Variants in MYH7B observed in about 807,000 individuals in gnomAD.
MYH7B encodes myosin heavy chain 7B.
In MYH7B, 205 loss-of-function variants were observed where a neutral mutation model predicts 234.5. The ratio of observed to expected loss-of-function variants is 0.87; its 90% CI spans 0.78 to 0.98. The LOEUF (loss-of-function observed/expected upper bound fraction) is 0.98. Among genes scored for constraint, MYH7B ranks in the 50% least tolerant of loss-of-function variants. MYH7B has a pLI of 0.00. For synonymous variants in MYH7B, 1,193 were observed against 1,105.0 expected, an observed-to-expected ratio of 1.08 and a Z score of -1.58; for missense variants, 2,652 against 2,633.4, an observed-to-expected ratio of 1.01 and a Z score of -0.15.
intron 43 of MYH7B, 192 bp downstream of exon 43, chr20:35,001,718 C>CCTAGCTCCTTCTCA: frequency 1.2e-6 from 1 of 832,738 alleles, no homozygotes; most frequent in Non-Finnish European, 1.8e-6. Flanking sequence ...GTGCTTTCCC[C>CCTAGCTCCTTCTCA]TGGCCAAGGC....
rs1320439762 is a variant in MYH7B at position 34,987,576 on chromosome 20, C to T, written c.1167C>T (p.Tyr389=). ...TGCCAGGTGCTGACAAGGCTGCCTA[C>T]CTGATGGGGGTCAGCAGTGGGGACC... The change falls in exon 17 of 45, where the codon TAC becomes TAT. Residue 389 remains tyrosine (Y), a synonymous_variant. Transcript: ENST00000262873. 2 of 1,613,536 alleles carry T rather than the reference C, an allele frequency of 1.2e-6. No homozygotes were observed. The highest frequency in any genetic ancestry group is 1.1e-5 in the South Asian group (1 of 90,990).
chr20:35,002,166 T>C lies in MYH7B; in HGVS notation c.5815-11T>C, dbSNP rs768614535. On this transcript the variant is annotated splice_polypyrimidine_tract_variant and intron_variant, in intron 44 of 44. Coordinates refer to ENST00000262873, the Ensembl canonical transcript of MYH7B. ...GTAGTACTGCTCACTCAGCTATCCC[T>C]TTCTCCTCAGCACAAGGAGTGACGG... 2.5e-6 allele frequency: 4 copies of C among 1,576,662 alleles called. No individual in the cohort carries two copies. Among genetic ancestry groups the C allele is most frequent in the Non-Finnish European group, 3.4e-6 (4 of 1,163,548 alleles).
intron 13 of MYH7B, among the ~76,000 whole-genome samples, chr20:34,985,587 A>AC (rs11383942): frequency 0.78 from 118,409 of 151,780 alleles, 46,707 homozygotes; most frequent in African/African-American, 0.88. Context: ...CCCCAGTACC[A>AC]CCAGCTGCAT....
In MYH7B at chr20:34,978,083, T is replaced by C. The variant is rs766570397; in HGVS notation, c.78T>C (p.Thr26=). ...ACCAGGAGATGACGAAGGTGCACACTATCCCATGGGACGGTAAGTGGAGAC... is the reference window on the plus strand; with the variant it reads ...ACCAGGAGATGACGAAGGTGCACACCATCCCATGGGACGGTAAGTGGAGAC... The change falls in exon 5 of 45, where the codon ACT becomes ACC. Residue 26 remains threonine, a synonymous_variant. Coordinates refer to ENST00000262873, the Ensembl canonical transcript of MYH7B. 1.7e-5 allele frequency: 27 copies of C among 1,614,018 alleles called. No homozygotes were observed. The Admixed American group carries it at 4.2e-4, about 25-fold the overall frequency.
At chr20:34,990,110 G>T in exon 21 of MYH7B, 1 of 1,614,160 alleles carries the variant, frequency 6.2e-7, no homozygotes, top group Non-Finnish European at 8.5e-7. Flanking sequence ...TAGGCTCCTG[G>T]CGACTCTCTA....
exon 29 of MYH7B, chr20:34,996,520 G>A (rs779272104): frequency 6.2e-7 from 1 of 1,610,234 alleles, no homozygotes; most frequent in Admixed American, 1.7e-5. Flanking sequence ...ACAGGTGGAG[G>A]ACGTGAGTCA....
At chr20:34,987,214 C>T (rs370350328) in exon 16 of MYH7B, 6 of 1,612,434 alleles carry the variant, frequency 3.7e-6, no homozygotes, top group South Asian at 3.3e-5. Flanking sequence ...TCGTGGGCGC[C>T]CTCCTGCACT....
intron 2 of MYH7B, among the ~76,000 whole-genome samples, chr20:34,971,865 T>C (rs2147158339): frequency 6.6e-6 from 1 of 152,372 alleles, no homozygotes; most frequent in East Asian, 1.9e-4. Flanking sequence ...GATCTGAATC[T>C]GGCCTTTGAA....
At chr20:34,977,359 C>G (rs1243153841) in intron 3 of MYH7B, among the ~76,000 whole-genome samples, 1 of 151,936 alleles carries the variant, frequency 6.6e-6, no homozygotes, top group Non-Finnish European at 1.5e-5. Flanking sequence ...TCAGACTCTG[C>G]GTGACTTGGT....
chr20:34,999,217 A>G, exon 36 of MYH7B: 1 of 1,611,778 alleles, frequency 6.2e-7, no homozygotes, highest in Non-Finnish European at 8.5e-7. Flanking sequence ...GCGCTGGACA[A>G]GAAGCAGCGG....
At position 35,000,798 on chromosome 20, in the gene MYH7B, C is replaced by A. The variant is rs1208818191; in HGVS notation, c.5209C>A (p.Leu1737Met). The A allele has an allele frequency of 2.5e-6, 4 of 1,613,888 alleles. No individual in the cohort carries two copies. In the East Asian group the frequency reaches 8.9e-5, roughly 36 times the overall value. The stretch of plus-strand genomic sequence containing the variant: ...AGGCCTCCTAAACCAGAAGAAGAAG[C>A]TGGAGGCGGACTTGGCCCAGCTGAG... The change falls in exon 40 of 45, where the codon CTG becomes ATG. Residue 1737 changes from leucine (L) to methionine (M), a missense_variant. Physicochemically the swap from Leu to Met is conservative, Grantham distance 15. Coordinates refer to ENST00000262873, the Ensembl canonical transcript of MYH7B.
At chr20:34,996,142 A>AC (rs1386079143) in intron 28 of MYH7B, among the ~76,000 whole-genome samples, 2 of 152,198 alleles carry the variant, frequency 1.3e-5, no homozygotes, top group Non-Finnish European at 2.9e-5. Flanking sequence ...GGTGCTGAGC[A>AC]CTGCGGGTGC....
In MYH7B at chr20:34,998,404, G is replaced by A. The variant is rs2082303851; in HGVS notation, c.3857G>A (p.Arg1286Gln). ...GCGGACGCAAGCACGCAGCGTGGGCGACTACAGACGGAAAGCGGTGAGGCT... is the reference window on the plus strand; with the variant it reads ...GCGGACGCAAGCACGCAGCGTGGGCAACTACAGACGGAAAGCGGTGAGGCT... The change falls in exon 33 of 45, where the codon CGA becomes CAA. Residue 1286 changes from arginine to glutamine, a missense_variant. Physicochemically the swap from Arg to Gln is conservative, Grantham distance 43. This residue lies in a region of MYH7B where 2,279 missense variants were observed against 2,211.4 expected (regional missense o/e 1.03). Transcript: ENST00000262873. 7.4e-6 allele frequency: 12 copies of A among 1,613,338 alleles called. 1 individual carries two copies. The highest frequency in any genetic ancestry group is 4.4e-5 in the South Asian group (4 of 91,024).
At chr20:34,981,196 G>A (rs1404473115) in intron 9 of MYH7B, 136 bp downstream of exon 9, 4 of 1,124,016 alleles carry the variant, frequency 3.6e-6, no homozygotes, top group African/African-American at 1.6e-5. Flanking sequence ...TAGTGTCCCA[G>A]CTGAAGCTAA....
chr20:34,987,042 C>T lies in MYH7B; in HGVS notation c.1008+53C>T. The T allele has an allele frequency of 4.4e-6, 7 of 1,608,766 alleles. No homozygotes were observed. The Middle Eastern group carries it at 5.0e-4, about 114-fold the overall frequency. On this transcript the variant is annotated intron_variant, in intron 15 of 44. Coordinates refer to ENST00000262873, the Ensembl canonical transcript of MYH7B. Reference sequence around the variant, plus strand: ...TGTGGACGCCTGTGGTGGAATCGGGCAGCACTGCCGGTGCCCCCAGCTGCA... The same window carrying T: ...TGTGGACGCCTGTGGTGGAATCGGGTAGCACTGCCGGTGCCCCCAGCTGCA...
In MYH7B at chr20:34,998,290, C is replaced by CCTA; in HGVS notation, c.3748-4_3748-2dup. 1 of 1,613,804 alleles carries CCTA rather than the reference C, an allele frequency of 6.2e-7. No homozygotes were observed. Among genetic ancestry groups the CCTA allele is most frequent in the Non-Finnish European group, 8.5e-7 (1 of 1,179,976 alleles). On this transcript the variant is annotated splice_region_variant and splice_polypyrimidine_tract_variant and intron_variant, in intron 32 of 44. Coordinates refer to ENST00000262873, the Ensembl canonical transcript of MYH7B. ...TGACCCCTGACTCCCAACCTGGGAT[C>CCTA]CTAGGCCAGTGCAGAGAAGCTGTGC...
rs751392240 is a variant in MYH7B at position 35,002,036 on chromosome 20, C to T, written c.5765C>T (p.Thr1922Ile). Residue 1922 changes from threonine to isoleucine, a missense_variant, in exon 44 of 45, where the codon ACC (threonine) becomes ATC (isoleucine). Thr to Ile is a moderately conservative substitution (Grantham distance 89). Around this residue, in one of 3 missense-constraint regions of MYH7B, gnomAD observed 2,279 missense variants for 2,211.4 expected, o/e 1.03. Transcript: ENST00000262873. Reference sequence around the variant, plus strand: ...GAGGAGCGGGCAGACATGGCGGAAACCCAGGCCAACAAGCTGCGGGCACGG... The same window carrying T: ...GAGGAGCGGGCAGACATGGCGGAAATCCAGGCCAACAAGCTGCGGGCACGG... 3 of 1,614,034 alleles carry T rather than the reference C, an allele frequency of 1.9e-6. No homozygotes were observed. The South Asian group carries it at 3.3e-5, about 18-fold the overall frequency.
chr20:34,999,867 G>A lies in MYH7B; in HGVS notation c.4742G>A (p.Arg1581Gln), dbSNP rs146431690. 11 of 1,613,600 alleles carry A rather than the reference G, an allele frequency of 6.8e-6. No individual in the cohort carries two copies. The highest frequency in any genetic ancestry group is 2.7e-5 in the African/African-American group (2 of 74,940). The change falls in exon 38 of 45, where the codon CGG becomes CAG. Residue 1581 changes from arginine (R) to glutamine (Q), a missense_variant. Coordinates refer to ENST00000262873, the Ensembl canonical transcript of MYH7B. ...TCCCAGGTCAAAGCAGAAGTGGACC[G>A]GAAGCTGGCAGAGAAAGACGAGGAG...
At chr20:34,990,074 G>A (rs199517588) in exon 21 of MYH7B, 1 of 1,614,042 alleles carries the variant, frequency 6.2e-7, no homozygotes, top group Admixed American at 1.7e-5. Flanking sequence ...TGAGACCGTG[G>A]TCCCCATCTT....
Sources: gnomAD v4.1 joint callset for allele counts (sites outside exome capture counted in the v4.1 genomes callset) on GRCh38, gnomAD v4.1.1 for gene constraint, gnomAD v4.1.1 regional missense constraint, MANE v1.5 for transcripts, NCBI Gene and HGNC (gene_info 2026-07-23, HGNC 2026-07-21) for gene names.